ASTN2: variants seen among roughly 807,000 people sequenced by gnomAD.
The protein encoded by ASTN2 is astrotactin-2.
Under a neutral mutation model 139.8 loss-of-function variants are expected in ASTN2, and 54 were observed. That is an observed-to-expected ratio of 0.39 (90% CI 0.31 to 0.48). The LOEUF (loss-of-function observed/expected upper bound fraction) is 0.48. Ranked by LOEUF, ASTN2 falls within the 20% of genes least tolerant of loss-of-function variation. The probability of loss-of-function intolerance (pLI) is 0.95; values close to 1 mark genes in which losing one functional copy is unlikely to be tolerated. For synonymous variants in ASTN2, 756 were observed against 719.5 expected (o/e 1.05, Z -0.81); for missense variants, 1,565 against 1,725.1 (o/e 0.91, Z 1.64).
intron 7 of ASTN2, among the ~76,000 whole-genome samples, chr9:116,986,615 C>T (rs991761916): frequency 2.0e-5 from 3 of 152,286 alleles, no homozygotes; most frequent in Admixed American, 6.5e-5. Flanking sequence ...GTGGGAAGTT[C>T]TTTGTTTAGA....
At chr9:117,350,601 G>T (rs1019236628) in intron 1 of ASTN2, among the ~76,000 whole-genome samples, 1 of 151,354 alleles carries the variant, frequency 6.6e-6, no homozygotes, top group African/African-American at 2.4e-5. Flanking sequence ...GAAAAGAAAA[G>T]AAAAATCAGA....
intron 10 of ASTN2, among the ~76,000 whole-genome samples, chr9:116,966,098 T>A (rs1836003770): frequency 1.3e-5 from 2 of 152,162 alleles, no homozygotes; most frequent in South Asian, 4.1e-4. Context: ...CTTTCATGTG[T>A]CTCTCTCTTT....
Position 117,051,198 on chromosome 9 carries a change from G to T in ASTN2, c.1277-11233C>A, listed in dbSNP as rs199876676. Reference sequence around the variant, plus strand: ...CTATAATCATTCAGCCTGCATTTGAGTGTCACCTAAACTTGGAGCTTATTA... The same window carrying T: ...CTATAATCATTCAGCCTGCATTTGATTGTCACCTAAACTTGGAGCTTATTA... On this transcript the variant is annotated intron_variant, in intron 5 of 22. Coordinates refer to ENST00000313400, the MANE Select transcript of ASTN2 (RefSeq NM_001365068.1). Among the ~76,000 whole-genome samples the T allele has an allele frequency of 3.3e-5, 5 of 150,080 alleles. No individual in the cohort carries two copies. In the East Asian group the frequency reaches 1.0e-3, roughly 30 times the overall value.
chr9:117,408,846 C>T (rs1213755261), intron 1 of ASTN2, among the ~76,000 whole-genome samples: 2 of 152,242 alleles, frequency 1.3e-5, no homozygotes, highest in African/African-American at 2.4e-5. Context: ...AGGAAGACAA[C>T]GTATTTCACT....
At chr9:116,482,243 G>A (rs1184714797) in intron 20 of ASTN2, among the ~76,000 whole-genome samples, 5 of 152,004 alleles carry the variant, frequency 3.3e-5, no homozygotes, top group Non-Finnish European at 7.4e-5. Context: ...GGAGAATGGC[G>A]TGAACCCGGG....
intron 5 of ASTN2, among the ~76,000 whole-genome samples, chr9:117,051,514 G>A (rs1158835162): frequency 6.6e-6 from 1 of 152,154 alleles, no homozygotes; most frequent in Non-Finnish European, 1.5e-5. Flanking sequence ...AATGCCAAAA[G>A]AAAATCTATT....
intron 10 of ASTN2, among the ~76,000 whole-genome samples, chr9:116,864,291 A>G (rs1467618228): frequency 6.6e-6 from 1 of 152,202 alleles, no homozygotes; most frequent in African/African-American, 2.4e-5. Context: ...TATAAATAGC[A>G]GAGCCAAGAC....
intron 19 of ASTN2, among the ~76,000 whole-genome samples, chr9:116,526,239 A>C (rs936224876): frequency 2.6e-5 from 4 of 152,210 alleles, no homozygotes; most frequent in Non-Finnish European, 4.4e-5. Flanking sequence ...CACATTATGG[A>C]AACAGCTAAA....
intron 10 of ASTN2, among the ~76,000 whole-genome samples, chr9:116,873,199 G>A (rs1588372619): frequency 1.3e-5 from 2 of 152,266 alleles, no homozygotes; most frequent in African/African-American, 4.8e-5. Flanking sequence ...AGAAACTCAG[G>A]CACCATTTTG....
At position 116,975,352 on chromosome 9, in the gene ASTN2, T is replaced by C; in HGVS notation, c.1752-7A>G. ...GCCCAAGCTGAAAGTAGACCTGCAA[T>C]GTAAGAGTTTCCATTGGGGAACTCC... On this transcript the variant is annotated splice_polypyrimidine_tract_variant and splice_region_variant and intron_variant, in intron 9 of 22. Coordinates refer to ENST00000313400, the MANE Select transcript of ASTN2 (RefSeq NM_001365068.1). 4 of 1,594,798 alleles carry C rather than the reference T, an allele frequency of 2.5e-6. No homozygotes were observed. Among genetic ancestry groups the C allele is most frequent in the Non-Finnish European group, 3.4e-6 (4 of 1,171,374 alleles).
chr9:116,573,020 C>CGCACACACACAA (rs1554715500), intron 19 of ASTN2, among the ~76,000 whole-genome samples: 1 of 151,558 alleles, frequency 6.6e-6, no homozygotes, highest in Non-Finnish European at 1.5e-5. Flanking sequence ...CATGCACACA[C>CGCACACACACAA]ACACACACAC....
chr9:116,425,213 C>A lies in ASTN2; in HGVS notation c.*638G>T. ...AAGCACATTCCCTTGGTAAGAAATA[C>A]CACCCAAGCAGAAAGAGAGACAATA... On this transcript the variant is annotated 3_prime_UTR_variant, in exon 23 of 23. Transcript: ENST00000313400. 7.4e-6 allele frequency: 2 copies of A among 271,656 alleles called. No homozygotes were observed. Among genetic ancestry groups the A allele is most frequent in the Non-Finnish European group, 1.4e-5 (2 of 145,020 alleles). The allele number at this position is 271,656 out of a possible 1,614,324, so 16.8% of individuals were successfully genotyped here.
chr9:117,120,228 C>A (rs745714541), intron 4 of ASTN2, among the ~76,000 whole-genome samples: 1 of 151,718 alleles, frequency 6.6e-6, no homozygotes. Flanking sequence ...CCTTCCCACA[C>A]GTGTTCTGAG....
At chr9:117,278,051 T>G (rs949807201) in intron 2 of ASTN2, among the ~76,000 whole-genome samples, 8 of 152,202 alleles carry the variant, frequency 5.3e-5, no homozygotes, top group African/African-American at 1.9e-4. Flanking sequence ...TTTAAATGCT[T>G]TAATACAAGC....
At chr9:116,777,252 A>T (rs4836851) in intron 13 of ASTN2, among the ~76,000 whole-genome samples, 1 of 152,038 alleles carries the variant, frequency 6.6e-6, no homozygotes, top group Non-Finnish European at 1.5e-5. Context: ...GCAGACATCC[A>T]TACAGCAGGG....
At chr9:116,964,222 T>G (rs866417992) in intron 10 of ASTN2, among the ~76,000 whole-genome samples, 65 of 109,856 alleles carry the variant, frequency 5.9e-4, no homozygotes, top group African/African-American at 2.4e-3. Context: ...CTGGGGTGTG[T>G]GTGTGTGTGT....
intron 19 of ASTN2, among the ~76,000 whole-genome samples, chr9:116,510,684 G>C (rs1564330441): frequency 6.6e-6 from 1 of 152,156 alleles, no homozygotes. Flanking sequence ...TCGTTGAGCA[G>C]TGGTTTGCAG....
chr9:116,964,267 G>A (rs1025294413), intron 10 of ASTN2, among the ~76,000 whole-genome samples: 12 of 151,614 alleles, frequency 7.9e-5, no homozygotes, highest in East Asian at 3.9e-4. Context: ...GCGCGCGCGC[G>A]CGTGTGTGTT....
chr9:116,629,005 T>C (rs1206068754), intron 17 of ASTN2, among the ~76,000 whole-genome samples: 1 of 152,188 alleles, frequency 6.6e-6, no homozygotes, highest in Non-Finnish European at 1.5e-5. Context: ...CAGACACCTA[T>C]TAAGCATTTC....
Sources: gnomAD v4.1 joint callset for allele counts (sites outside exome capture counted in the v4.1 genomes callset) on GRCh38, gnomAD v4.1.1 for gene constraint, MANE v1.5 for transcripts, NCBI Gene and HGNC (gene_info 2026-07-23, HGNC 2026-07-21) for gene names.